TRIM15: variants seen among roughly 807,000 people sequenced by gnomAD.
TRIM15 encodes the protein E3 ubiquitin-protein ligase TRIM15.
In TRIM15, 35 loss-of-function variants were observed where a neutral mutation model predicts 35.8. The observed-to-expected ratio is 0.98, with a 90% CI of 0.75 to 1.30. TRIM15 has a LOEUF of 1.30. TRIM15 is among the 50% of genes most tolerant of loss of function. The probability of loss-of-function intolerance (pLI) is 0.00; values close to 1 mark genes in which losing one functional copy is unlikely to be tolerated. For synonymous variants in TRIM15, 252 were observed against 249.8 expected, an observed-to-expected ratio of 1.01 and a Z score of -0.08; for missense variants, 590 against 593.5, an observed-to-expected ratio of 0.99 and a Z score of 0.06.
At chr6:30,166,078 C>A (rs1455834196) in intron 1 of TRIM15, among the ~76,000 whole-genome samples, 2 of 152,158 alleles carry the variant, frequency 1.3e-5, no homozygotes, top group Non-Finnish European at 2.9e-5. Flanking sequence ...ATGATAGTTT[C>A]TTTTGCTGTG....
At chr6:30,170,711 C>T (rs1246022865) in intron 5 of TRIM15, 95 bp downstream of exon 5, 5 of 1,006,560 alleles carry the variant, frequency 5.0e-6, no homozygotes, top group African/African-American at 1.6e-5. Context: ...AAACCTGGCT[C>T]GAGACATCTT....
At chr6:30,165,633 A>G (rs1773544289) in intron 1 of TRIM15, among the ~76,000 whole-genome samples, 1 of 152,208 alleles carries the variant, frequency 6.6e-6, no homozygotes, top group South Asian at 2.1e-4. Context: ...TGGGATTGCC[A>G]GGTCAAATGG....
At chr6:30,170,005 G>C (rs1773896049) in intron 4 of TRIM15, among the ~76,000 whole-genome samples, 1 of 152,210 alleles carries the variant, frequency 6.6e-6, no homozygotes, top group Admixed American at 6.5e-5. Flanking sequence ...GACCCAGGGG[G>C]TGAAGAGTCT....
chr6:30,163,925 A>T lies in TRIM15; in HGVS notation c.241A>T (p.Thr81Ser). 1 of 1,613,108 alleles carries T rather than the reference A, an allele frequency of 6.2e-7. No homozygotes were observed. Among genetic ancestry groups the T allele is most frequent in the Non-Finnish European group, 8.5e-7 (1 of 1,180,034 alleles). ...APVPLGPLGE[T>S]YCEEHGEKIY... ...TGTGCCCCTGGGCCCGCTGGGAGAAACTTACTGCGAGGAGCACGGCGAGAA... is the reference window on the plus strand; with the variant it reads ...TGTGCCCCTGGGCCCGCTGGGAGAATCTTACTGCGAGGAGCACGGCGAGAA... Residue 81 changes from threonine to serine, a missense_variant, in exon 1 of 7, where the codon ACT becomes TCT. By Grantham distance (58) the Thr-to-Ser change is moderately conservative. Transcript: ENST00000376694.
At chr6:30,169,178 A>T in intron 3 of TRIM15, 63 bp from the exon 4 acceptor site, 1 of 1,600,120 alleles carries the variant, frequency 6.2e-7, no homozygotes, top group African/African-American at 1.3e-5. Context: ...AAAGTGATGT[A>T]CAGAATCCCT....
At chr6:30,170,171 G>C (rs1050927494) in intron 4 of TRIM15, 16 of 246,338 alleles carry the variant, frequency 6.5e-5, no homozygotes, top group African/African-American at 3.1e-4. Flanking sequence ...GTAGTTTAAG[G>C]CTGTTTTCAA....
intron 1 of TRIM15, among the ~76,000 whole-genome samples, chr6:30,166,965 G>A (rs1480757592): frequency 6.6e-6 from 1 of 152,120 alleles, no homozygotes; most frequent in East Asian, 1.9e-4. Context: ...CTCACTGTGT[G>A]TACCCCTGGA....
In TRIM15 at chr6:30,172,017, C is replaced by CA; in HGVS notation, c.1067dup (p.Leu357AlafsTer202). The CA allele has an allele frequency of 6.3e-7, 1 of 1,575,350 alleles. No homozygotes were observed. Among genetic ancestry groups the CA allele is most frequent in the Non-Finnish European group, 8.6e-7 (1 of 1,159,976 alleles). ...GCGCCACCGCTGGCAGGTTGACCTGCAGCTGGGCGACGGCGGCGGCTGCAC... is the reference window on the plus strand; with the variant it reads ...GCGCCACCGCTGGCAGGTTGACCTGCAAGCTGGGCGACGGCGGCGGCTGCAC... On this transcript the variant is annotated frameshift_variant, in exon 7 of 7. Coordinates refer to ENST00000376694, the MANE Select transcript of TRIM15 (RefSeq NM_033229.3). LOFTEE classifies it low-confidence loss of function (END_TRUNC).
Position 30,167,165 on chromosome 6 carries a change from T to A in TRIM15, c.382-11T>A, listed in dbSNP as rs1317260829. 1 of 1,609,872 alleles carries A rather than the reference T, an allele frequency of 6.2e-7. No homozygotes were observed. The highest frequency in any genetic ancestry group is 8.5e-7 in the Non-Finnish European group (1 of 1,177,262). On this transcript the variant is annotated splice_polypyrimidine_tract_variant and intron_variant, in intron 1 of 6. Coordinates refer to ENST00000376694, the MANE Select transcript of TRIM15 (RefSeq NM_033229.3). Reference sequence around the variant, plus strand: ...TCAGTCACCTCTATCCACCCATTCTTCTCCCCACAGGATCGTCTCAGGAGT... The same window carrying A: ...TCAGTCACCTCTATCCACCCATTCTACTCCCCACAGGATCGTCTCAGGAGT...
intron 1 of TRIM15, 146 bp downstream of exon 1, chr6:30,164,211 G>A: frequency 1.6e-6 from 2 of 1,223,926 alleles, no homozygotes; most frequent in Non-Finnish European, 2.2e-6. Flanking sequence ...TTCCCAGACT[G>A]AAGGCAGATA....
intron 2 of TRIM15, 120 bp downstream of exon 2, chr6:30,167,391 C>T (rs1773682431): frequency 1.3e-6 from 1 of 793,586 alleles, no homozygotes; most frequent in Non-Finnish European, 2.1e-6. Flanking sequence ...TTCTCGTTCA[C>T]CTTCCTGTGG....
intron 2 of TRIM15, 90 bp from the exon 3 acceptor site, chr6:30,168,210 C>T: frequency 8.8e-7 from 1 of 1,141,670 alleles, no homozygotes; most frequent in Non-Finnish European, 1.2e-6. Context: ...GCTCCCTATC[C>T]CTGTTAATCA....
intron 3 of TRIM15, 67 bp downstream of exon 3, chr6:30,168,597 GC>G (rs1407113041): frequency 9.0e-6 from 13 of 1,442,218 alleles, no homozygotes; most frequent in African/African-American, 1.4e-5. Flanking sequence ...TGGGCACCAT[GC>G]TTTGGGCTGG....
intron 5 of TRIM15, 122 bp downstream of exon 5, chr6:30,170,738 C>A (rs1581607661): frequency 1.2e-6 from 1 of 820,174 alleles, no homozygotes; most frequent in Non-Finnish European, 1.9e-6. Flanking sequence ...CCAGAGCCTT[C>A]CCTTAGTGAT....
chr6:30,172,377 G>C lies in TRIM15; in HGVS notation c.*28G>C, dbSNP rs1774102871. 1.9e-6 allele frequency: 3 copies of C among 1,566,912 alleles called. No individual in the cohort carries two copies. The highest frequency in any genetic ancestry group is 2.6e-6 in the Non-Finnish European group (3 of 1,158,868). ...TGGGGCGCGCGAAGGGCGGCGAAGC[G>C]GAGACGGCGGCTCTCCGGGATCCAG... is the stretch of plus-strand genomic sequence containing the variant. On this transcript the variant is annotated 3_prime_UTR_variant, in exon 7 of 7. Transcript: ENST00000376694.
In TRIM15 at chr6:30,164,022, C is replaced by T. The variant is rs773260272; in HGVS notation, c.338C>T (p.Ala113Val). ...TGCAGGGAGGGTCCCACGCACCAGG[C>T]GCACACCGTGGGGTTCCTGGACGAG... Reference protein sequence around the residue: ...VFCREGPTHQAHTVGFLDEAI... With the variant: ...VFCREGPTHQVHTVGFLDEAI... Residue 113 changes from alanine (A) to valine (V), a missense_variant, in exon 1 of 7, where the codon GCG becomes GTG. By Grantham distance (64) the Ala-to-Val change is moderately conservative. Coordinates refer to ENST00000376694, the MANE Select transcript of TRIM15 (RefSeq NM_033229.3). 4 of 1,613,008 alleles carry T rather than the reference C, an allele frequency of 2.5e-6. No individual in the cohort carries two copies. The South Asian group carries it at 4.4e-5, about 18-fold the overall frequency.
At position 30,163,920 on chromosome 6, in the gene TRIM15, G is replaced by A. The variant is rs760218715; in HGVS notation, c.236G>A (p.Gly79Glu). ...GCCCCTGTGCCCCTGGGCCCGCTGG[G>A]AGAAACTTACTGCGAGGAGCACGGC... ...PMAPVPLGPL[G>E]ETYCEEHGEK... Residue 79 changes from glycine to glutamate, a missense_variant, in exon 1 of 7, where the codon GGA becomes GAA. Physicochemically the swap from Gly to Glu is moderately conservative, Grantham distance 98. Transcript: ENST00000376694. 3.7e-6 allele frequency: 6 copies of A among 1,613,122 alleles called. No homozygotes were observed. In the South Asian group the frequency reaches 4.4e-5, roughly 12 times the overall value.
chr6:30,171,571 T>C (rs1474852779), intron 6 of TRIM15, among the ~76,000 whole-genome samples: 1 of 152,206 alleles, frequency 6.6e-6, no homozygotes, highest in Admixed American at 6.5e-5. Flanking sequence ...TCTGATTTAG[T>C]AGGGTGGGAT....
At chr6:30,164,155 G>C in intron 1 of TRIM15, 90 bp downstream of exon 1, 8 of 1,508,040 alleles carry the variant, frequency 5.3e-6, no homozygotes, top group Non-Finnish European at 7.1e-6. Context: ...CTGGATGAAA[G>C]GCTTCCACAT....
Sources: allele counts gnomAD v4.1 joint callset (sites outside exome capture counted in the v4.1 genomes callset), GRCh38; gene constraint gnomAD v4.1.1; transcripts MANE v1.5; gene names NCBI Gene and HGNC (gene_info 2026-07-23, HGNC 2026-07-21).